The following THOC7 variants were observed in gnomAD, a reference collection of about 807,000 sequenced individuals.
The protein encoded by THOC7 is THO complex subunit 7, also known as NIF3L1-binding protein 1.
Under a neutral mutation model 33.1 loss-of-function variants are expected in THOC7, and 22 were observed. That is an observed-to-expected ratio of 0.66 (90% CI 0.47 to 0.95). The LOEUF (loss-of-function observed/expected upper bound fraction) is 0.95. Ranked by LOEUF, THOC7 falls within the 40% of genes least tolerant of loss-of-function variation. THOC7 has a pLI of 0.00. For missense variants in THOC7, 184 were observed against 245.3 expected (o/e 0.75, Z 1.67); for synonymous variants, 77 against 76.8 (o/e 1.00, Z -0.01).
chr3:63,851,586 T>C (rs1702020398), intron 1 of THOC7, among the ~76,000 whole-genome samples: 1 of 152,224 alleles, frequency 6.6e-6, no homozygotes, highest in South Asian at 2.1e-4. Context: ...CTTCCGTGGG[T>C]ATAATAATGA....
rs531435222 is a variant in THOC7 at position 63,835,521 on chromosome 3, A to G, written c.411-131T>C. 4.7e-6 allele frequency: 3 copies of G among 640,230 alleles called. No homozygotes were observed. The African/African-American group carries it at 5.5e-5, about 12-fold the overall frequency. The allele number at this position is 640,230 out of a possible 1,614,324, so 39.7% of individuals were successfully genotyped here. A position where few individuals can be genotyped will look rare whatever the true frequency, so the allele number is the denominator to read the frequency against. On this transcript the variant is annotated intron_variant, in intron 5 of 7. Transcript: ENST00000295899. ...GGCTTATAAGGAGTTATAACACTCC[A>G]TTATGGTGAAACTTTTAAAGCTGAG...
chr3:63,863,933 C>T (rs1702315358), upstream of THOC7: 4 of 518,020 alleles, frequency 7.7e-6, no homozygotes, highest in Non-Finnish European at 9.7e-6. Flanking sequence ...TGCTCCGACG[C>T]CTGAGCCGCG....
chr3:63,855,288 C>T (rs987781300), intron 1 of THOC7, among the ~76,000 whole-genome samples: 4 of 152,160 alleles, frequency 2.6e-5, no homozygotes, highest in Non-Finnish European at 5.9e-5. Context: ...AAATATCTTT[C>T]AAAATCAGTT....
chr3:63,836,411 T>C (rs1018380400), intron 4 of THOC7, 53 bp from the exon 5 acceptor site: 3 of 1,558,782 alleles, frequency 1.9e-6, no homozygotes, highest in Non-Finnish European at 2.6e-6. Flanking sequence ...ATGTGAATTA[T>C]CAAAACAAAA....
At chr3:63,856,614 A>AT (rs777563585) in intron 1 of THOC7, among the ~76,000 whole-genome samples, 65 of 152,328 alleles carry the variant, frequency 4.3e-4, no homozygotes, top group Non-Finnish European at 8.2e-4. Context: ...TCAAGCATAT[A>AT]TACCCACTGG....
chr3:63,834,412 C>T (rs1299735320), intron 7 of THOC7, among the ~76,000 whole-genome samples: 2 of 151,224 alleles, frequency 1.3e-5, no homozygotes, highest in African/African-American at 2.4e-5. Context: ...ATAATCCCAG[C>T]ACTTTGGGAG....
chr3:63,863,941 GC>G, upstream of THOC7: 2 of 168,916 alleles, frequency 1.2e-5, no homozygotes, highest in Non-Finnish European at 2.0e-5. Flanking sequence ...CGCCTGAGCC[GC>G]GCCGCGCCGC....
chr3:63,854,997 G>T, intron 1 of THOC7, among the ~76,000 whole-genome samples: 1 of 149,182 alleles, frequency 6.7e-6, no homozygotes, highest in East Asian at 2.0e-4. Flanking sequence ...GACAGAGCGA[G>T]ACTCCGTCTC....
intron 1 of THOC7, among the ~76,000 whole-genome samples, chr3:63,858,576 C>T (rs1331919587): frequency 6.6e-6 from 1 of 152,278 alleles, no homozygotes; most frequent in East Asian, 1.9e-4. Context: ...ATCAATATAT[C>T]ACCTAATGTT....
intron 1 of THOC7, among the ~76,000 whole-genome samples, chr3:63,854,986 CG>C (rs1559609107): frequency 6.8e-6 from 1 of 147,426 alleles, no homozygotes; most frequent in African/African-American, 2.5e-5. Flanking sequence ...CCAGCCTGGG[CG>C]ACAGAGCGAG....
Position 63,845,132 on chromosome 3 carries a change from T to G in THOC7, c.20-5359A>C. On this transcript the variant is annotated intron_variant, in intron 1 of 7. Coordinates refer to ENST00000295899, the MANE Select transcript of THOC7 (RefSeq NM_025075.4). Reference sequence around the variant, plus strand: ...GGTGGGGGGTACTATCTCCTTCATGTAGCCCTGAGGGTTAAGTCCCCCTCA... The same window carrying G: ...GGTGGGGGGTACTATCTCCTTCATGGAGCCCTGAGGGTTAAGTCCCCCTCA... 7.6e-6 allele frequency: 5 copies of G among 662,240 alleles called. No individual in the cohort carries two copies. The South Asian group carries it at 8.2e-5, about 11-fold the overall frequency. 41.0% of individuals were successfully genotyped at this position (662,240 alleles called of 1,614,324 possible). A position where few individuals can be genotyped will look rare whatever the true frequency, so the allele number is the denominator to read the frequency against.
chr3:63,863,616 C>A, intron 1 of THOC7, 156 bp downstream of exon 1: 6 of 1,196,504 alleles, frequency 5.0e-6, no homozygotes, highest in Non-Finnish European at 6.2e-6. Context: ...CCGGGGAGGC[C>A]CGGGGCTCCG....
chr3:63,846,220 GA>G (rs781553885), intron 1 of THOC7: 2 of 449,768 alleles, frequency 4.4e-6, no homozygotes, highest in African/African-American at 4.0e-5. Context: ...TTTCTTCCCT[GA>G]AAAAAGCAGT....
At chr3:63,834,310 G>T (rs904105062) in intron 7 of THOC7, 111 bp from the exon 8 acceptor site, 11 of 995,980 alleles carry the variant, frequency 1.1e-5, no homozygotes, top group Non-Finnish European at 1.6e-5. Flanking sequence ...TTAAAGCTAA[G>T]ATGGCTACTA....
At chr3:63,863,651 G>A in intron 1 of THOC7, 121 bp downstream of exon 1, 1 of 1,217,362 alleles carries the variant, frequency 8.2e-7, no homozygotes. Flanking sequence ...AGGCCGAAGC[G>A]CTCTGGCGAA....
chr3:63,854,934 G>C (rs937811907), intron 1 of THOC7, among the ~76,000 whole-genome samples: 1 of 151,484 alleles, frequency 6.6e-6, no homozygotes, highest in Non-Finnish European at 1.5e-5. Context: ...CGTGAACCCG[G>C]GAGGCGGAGC....
At chr3:63,847,141 T>C (rs1701916511) in intron 1 of THOC7, among the ~76,000 whole-genome samples, 1 of 151,958 alleles carries the variant, frequency 6.6e-6, no homozygotes, top group South Asian at 2.1e-4. Flanking sequence ...AAAGGACTGC[T>C]AAAAAAAATT....
intron 1 of THOC7, among the ~76,000 whole-genome samples, chr3:63,853,098 C>G (rs889602412): frequency 2.0e-5 from 3 of 151,026 alleles, no homozygotes; most frequent in African/African-American, 7.3e-5. Context: ...TTGCAGTGAG[C>G]CTAGATCTCG....
rs546070554 is a variant in THOC7, at chr3:63,844,970, T to C, written c.20-5197A>G. ...CAAGTGTTGCCCAAGTCTAGAATCA[T>C]AAATAAAGACAATTGAGATCTTTAC... On this transcript the variant is annotated intron_variant, in intron 1 of 7. Transcript: ENST00000295899. 3.5e-4 allele frequency: 230 copies of C among 655,856 alleles called. No homozygotes were observed. The African/African-American group carries it at 3.6e-3, about 10-fold the overall frequency. The allele number at this position is 655,856 out of a possible 1,614,324, so 40.6% of individuals were successfully genotyped here.
Sources: gnomAD v4.1 joint callset for allele counts (sites outside exome capture counted in the v4.1 genomes callset) on GRCh38, gnomAD v4.1.1 for gene constraint, MANE v1.5 for transcripts, NCBI Gene and HGNC (gene_info 2026-07-23, HGNC 2026-07-21) for gene names.